The following DIS3L2 variants were observed in gnomAD, a reference collection of about 807,000 sequenced individuals.
DIS3L2 encodes DIS3 like 3'-5' exoribonuclease 2, also known as DIS3-like exonuclease 2.
In DIS3L2, 34 loss-of-function variants were observed where a neutral mutation model predicts 97.5. The ratio of observed to expected loss-of-function variants is 0.35; its 90% CI spans 0.27 to 0.46. The LOEUF is 0.46. DIS3L2 is among the 20% of genes least tolerant of loss of function. DIS3L2 has a pLI of 1.00. For synonymous variants in DIS3L2, 435 were observed against 445.2 expected, an observed-to-expected ratio of 0.98 and a Z score of 0.29; for missense variants, 1,038 against 1,146.0, an observed-to-expected ratio of 0.91 and a Z score of 1.36.
chr2:232,342,096 C>CTGTG (rs59097449), downstream of DIS3L2, among the ~76,000 whole-genome samples: 60 of 149,746 alleles, frequency 4.0e-4, no homozygotes, highest in African/African-American at 9.2e-4. Flanking sequence ...CATCAGTAGG[C>CTGTG]TGTGTGTGTG....
intron 13 of DIS3L2, among the ~76,000 whole-genome samples, chr2:232,266,061 T>A (rs1185069534): frequency 6.6e-6 from 1 of 152,262 alleles, no homozygotes; most frequent in East Asian, 1.9e-4. Flanking sequence ...GGAAAGTTTC[T>A]GTCATAACGT....
chr2:232,141,144 G>A (rs557374439), intron 8 of DIS3L2, among the ~76,000 whole-genome samples: 1 of 152,192 alleles, frequency 6.6e-6, no homozygotes, highest in South Asian at 2.1e-4. Flanking sequence ...AGAAACTCTT[G>A]CAGTGGAATT....
chr2:232,299,074 G>T (rs1694793907), intron 13 of DIS3L2, among the ~76,000 whole-genome samples: 1 of 152,246 alleles, frequency 6.6e-6, no homozygotes. Flanking sequence ...TGGTGATTCA[G>T]ATTCAAAATC....
intron 14 of DIS3L2, among the ~76,000 whole-genome samples, chr2:232,301,016 G>A (rs1377607322): frequency 6.6e-6 from 1 of 152,122 alleles, no homozygotes; most frequent in Non-Finnish European, 1.5e-5. Flanking sequence ...GGTGAATGAG[G>A]CACAGGAACT....
intron 5 of DIS3L2, among the ~76,000 whole-genome samples, chr2:232,038,164 C>G (rs1416156896): frequency 2.0e-5 from 3 of 152,108 alleles, no homozygotes; most frequent in African/African-American, 7.2e-5. Flanking sequence ...ATTTAGGTCA[C>G]TTTGTTTTCT....
At chr2:232,236,875 C>T (rs1692947153) in intron 10 of DIS3L2, among the ~76,000 whole-genome samples, 1 of 152,190 alleles carries the variant, frequency 6.6e-6, no homozygotes, top group Non-Finnish European at 1.5e-5. Context: ...CCTCAGCCCC[C>T]TGAGTAGCTG....
At chr2:232,327,733 G>C (rs1348795071) in intron 14 of DIS3L2, among the ~76,000 whole-genome samples, 1 of 152,230 alleles carries the variant, frequency 6.6e-6, no homozygotes, top group Non-Finnish European at 1.5e-5. Context: ...AACACAGATT[G>C]ATGGCAGGGA....
chr2:232,168,773 G>C (rs1574922000), intron 9 of DIS3L2, among the ~76,000 whole-genome samples: 1 of 152,168 alleles, frequency 6.6e-6, no homozygotes, highest in Admixed American at 6.5e-5. Context: ...CACATAAAGA[G>C]AAGCCATAAG....
chr2:232,141,826 C>G (rs1163368080), intron 8 of DIS3L2, among the ~76,000 whole-genome samples: 2 of 152,142 alleles, frequency 1.3e-5, no homozygotes, highest in Admixed American at 6.5e-5. Context: ...TTTTACATTC[C>G]ATTCAGTTTT....
rs1187500654 is a variant in DIS3L2 at position 232,325,299 on chromosome 2, G to GC, written c.1740-4511dup. On this transcript the variant is annotated intron_variant, in intron 14 of 20. Coordinates refer to ENST00000325385, the MANE Select transcript of DIS3L2 (RefSeq NM_152383.5). This position sits in a 1 kb window ranked among gnomAD's most constrained non-coding sequence, Gnocchi z 4.6. ...ACGCCCTGTCGTAAACGCATGAAGA[G>GC]CCCTGCGTTTCATATATTGATGTTG... Among the ~76,000 whole-genome samples, 3 of 152,230 alleles carry GC rather than the reference G, an allele frequency of 2.0e-5. No homozygotes were observed. The highest frequency in any genetic ancestry group is 7.2e-5 in the African/African-American group (3 of 41,458).
chr2:232,137,727 T>C (rs1159065717), intron 8 of DIS3L2, among the ~76,000 whole-genome samples: 1 of 152,244 alleles, frequency 6.6e-6, no homozygotes, highest in Admixed American at 6.5e-5. Flanking sequence ...AACACTACCC[T>C]GTGCCACTTT....
intron 6 of DIS3L2, among the ~76,000 whole-genome samples, chr2:232,120,004 G>A (rs1340704143): frequency 6.6e-6 from 1 of 152,028 alleles, no homozygotes; most frequent in Non-Finnish European, 1.5e-5. Flanking sequence ...AATATGTTAA[G>A]GCTTTTTTTC....
chr2:232,058,649 T>C (rs1435792020), intron 5 of DIS3L2, among the ~76,000 whole-genome samples: 2 of 152,222 alleles, frequency 1.3e-5, no homozygotes, highest in East Asian at 1.9e-4. Context: ...CCCAGACTCA[T>C]ACTGCTTTAC....
intron 9 of DIS3L2, chr2:232,198,686 A>G (rs1233986985): frequency 6.6e-6 from 1 of 152,212 alleles, no homozygotes; most frequent in East Asian, 1.9e-4. Flanking sequence ...ATCTTCTTGG[A>G]CAGGAAATAA....
intron 3 of DIS3L2, among the ~76,000 whole-genome samples, chr2:232,023,844 A>G (rs1694583693): frequency 1.3e-5 from 2 of 152,154 alleles, no homozygotes; most frequent in Admixed American, 6.5e-5. Flanking sequence ...TACCACTTTG[A>G]AAATTGTCAC....
rs7595618 is a variant in DIS3L2, at chr2:232,229,073, A to G, written c.1205-9460A>G. Among the ~76,000 whole-genome samples, 968 of 152,254 alleles carry G rather than the reference A, an allele frequency of 6.4e-3. 11 individuals are homozygous for G. Among genetic ancestry groups the G allele is most frequent in the African/African-American group, 0.022 (915 of 41,562 alleles). On this transcript the variant is annotated intron_variant, in intron 10 of 20. Transcript: ENST00000325385. ...TGCTCTTTCTTAGCAGTAACCTTCA[A>G]CTTCTGCCTCTATTGGCTCGTTGTT...
At chr2:232,119,903 T>C (rs941383153) in intron 6 of DIS3L2, among the ~76,000 whole-genome samples, 5 of 152,192 alleles carry the variant, frequency 3.3e-5, no homozygotes, top group African/African-American at 4.8e-5. Flanking sequence ...ATTAGAACAA[T>C]GAAGGGAAAT....
intron 9 of DIS3L2, among the ~76,000 whole-genome samples, chr2:232,167,941 C>G (rs1224312816): frequency 6.6e-6 from 1 of 151,892 alleles, no homozygotes; most frequent in Admixed American, 6.6e-5. Context: ...CCCAGCTGCT[C>G]GGGAGGCTGA....
chr2:232,007,716 A>G (rs1466996792), intron 1 of DIS3L2, among the ~76,000 whole-genome samples: 1 of 152,254 alleles, frequency 6.6e-6, no homozygotes, highest in African/African-American at 2.4e-5. Context: ...AGAAATTCCT[A>G]TAGAAATGCA....
Sources: gnomAD v4.1 joint callset for allele counts (sites outside exome capture counted in the v4.1 genomes callset) on GRCh38, gnomAD v4.1.1 for gene constraint, Gnocchi (gnomAD v3.1) non-coding constraint, MANE v1.5 for transcripts, NCBI Gene and HGNC (gene_info 2026-07-23, HGNC 2026-07-21) for gene names.